The following BICDL1 variants were observed in gnomAD, a reference collection of about 807,000 sequenced individuals.
BICDL1 encodes BICD family like cargo adaptor 1.
Under a neutral mutation model 76.8 loss-of-function variants are expected in BICDL1, and 20 were observed. That is an observed-to-expected ratio of 0.26 (90% confidence interval 0.18 to 0.38). BICDL1 has a LOEUF of 0.38. Ranked by LOEUF, BICDL1 falls within the 10% of genes least tolerant of loss-of-function variation. BICDL1 has a pLI of 1.00. For synonymous variants in BICDL1, 383 were observed against 337.1 expected, an observed-to-expected ratio of 1.14 and a Z score of -1.49; for missense variants, 700 against 798.6, an observed-to-expected ratio of 0.88 and a Z score of 1.49.
rs1875160037 is a variant in BICDL1 at position 120,093,455 on chromosome 12, T to G, written c.*294T>G. On this transcript the variant is annotated 3_prime_UTR_variant, in exon 10 of 10. Coordinates refer to ENST00000548673, the MANE Select transcript of BICDL1 (RefSeq NM_001367886.1). ...TTAGGCCACCTCCCAGAGGGGCCCC[T>G]TGGTGTTGGGCTTTGCAGCTCACAC... The G allele has an allele frequency of 2.5e-6, 1 of 407,768 alleles. No individual in the cohort carries two copies. The highest frequency in any genetic ancestry group is 2.1e-5 in the African/African-American group (1 of 48,072). The allele number at this position is 407,768 out of a possible 1,614,324, so 25.3% of individuals were successfully genotyped here. A position where few individuals can be genotyped will look rare whatever the true frequency, so the allele number is the denominator to read the frequency against.
intron 4 of BICDL1, among the ~76,000 whole-genome samples, chr12:120,070,982 G>A (rs1317569362): frequency 6.6e-6 from 1 of 151,902 alleles, no homozygotes; most frequent in Non-Finnish European, 1.5e-5. Flanking sequence ...TGCCCCCTTT[G>A]GCCTTCCAAA....
At chr12:120,084,158 A>G (rs1255995958) in intron 8 of BICDL1, among the ~76,000 whole-genome samples, 2 of 152,096 alleles carry the variant, frequency 1.3e-5, no homozygotes, top group Non-Finnish European at 2.9e-5. Context: ...ATGTGCCACC[A>G]TGCCCTGCTA....
intron 2 of BICDL1, among the ~76,000 whole-genome samples, chr12:120,038,159 A>G (rs1043647686): frequency 3.3e-5 from 5 of 152,160 alleles, no homozygotes; most frequent in African/African-American, 1.2e-4. Context: ...CTGTCCCAAT[A>G]CTTATTCCTA....
chr12:120,065,674 A>C (rs1953205074), intron 4 of BICDL1, among the ~76,000 whole-genome samples: 1 of 152,208 alleles, frequency 6.6e-6, no homozygotes, highest in Non-Finnish European at 1.5e-5. Flanking sequence ...CAGGGAGTGC[A>C]CTGGATTGCA....
intron 8 of BICDL1, 103 bp from the exon 9 acceptor site, chr12:120,089,848 T>A (rs1249746133): frequency 4.3e-6 from 6 of 1,403,894 alleles, no homozygotes; most frequent in Non-Finnish European, 5.9e-6. Flanking sequence ...GAGTTCAGGG[T>A]CAGAGCCTGT....
At chr12:120,070,700 T>C (rs115241250) in intron 4 of BICDL1, among the ~76,000 whole-genome samples, 3,180 of 152,194 alleles carry the variant, frequency 0.021, 122 homozygotes, top group African/African-American at 0.073. Context: ...CAGATTAAAA[T>C]GGGCCTACAT....
intron 9 of BICDL1, chr12:120,091,546 C>A: frequency 1.0e-6 from 1 of 985,648 alleles, no homozygotes; most frequent in East Asian, 1.1e-4. Context: ...ATACCTGGCA[C>A]AGTGCCAGCT....
At chr12:120,033,074 T>C (rs753455080) in intron 2 of BICDL1, among the ~76,000 whole-genome samples, 67 of 152,016 alleles carry the variant, frequency 4.4e-4, no homozygotes, top group Non-Finnish European at 7.5e-4. Flanking sequence ...AATCATATAA[T>C]ATGCTGCATG....
At chr12:120,059,985 T>A (rs944534002) in intron 2 of BICDL1, among the ~76,000 whole-genome samples, 1 of 152,190 alleles carries the variant, frequency 6.6e-6, no homozygotes, top group African/African-American at 2.4e-5. Flanking sequence ...AGTGCTGGGA[T>A]TACAGGCATG....
Position 120,091,582 on chromosome 12 carries a change from G to A in BICDL1, c.1705-1418G>A, listed in dbSNP as rs908679630. ...CTGAGGGGCAAGTGGAAAAGGGGAT[G>A]GAAGAGAAGGGAAGAAGACAAGGGC... On this transcript the variant is annotated intron_variant, in intron 9 of 9. Transcript: ENST00000548673. 16 of 984,770 alleles carry A rather than the reference G, an allele frequency of 1.6e-5. No homozygotes were observed. The Admixed American group carries it at 1.9e-4, about 11-fold the overall frequency. 61.0% of individuals were successfully genotyped at this position (984,770 alleles called of 1,614,324 possible). A position where few individuals can be genotyped will look rare whatever the true frequency, so the allele number is the denominator to read the frequency against.
At chr12:120,092,470 C>T in intron 9 of BICDL1, 1 of 985,486 alleles carries the variant, frequency 1.0e-6, no homozygotes, top group Non-Finnish European at 1.2e-6. Context: ...CCACGTGAGG[C>T]TGCCGTTGGT....
At chr12:119,998,963 G>T (rs895240360) in intron 2 of BICDL1, among the ~76,000 whole-genome samples, 5 of 151,532 alleles carry the variant, frequency 3.3e-5, no homozygotes, top group African/African-American at 7.3e-5. Context: ...AGGCTGAGGT[G>T]GGGGGATCGC....
intron 8 of BICDL1, among the ~76,000 whole-genome samples, chr12:120,083,510 A>G (rs892661769): frequency 3.9e-5 from 6 of 152,100 alleles, no homozygotes; most frequent in Non-Finnish European, 8.8e-5. Flanking sequence ...GGATCTGCCC[A>G]AAGTGCTGAG....
chr12:120,059,235 T>C (rs142762531), intron 2 of BICDL1, among the ~76,000 whole-genome samples: 1 of 152,180 alleles, frequency 6.6e-6, no homozygotes, highest in Non-Finnish European at 1.5e-5. Context: ...GCTGGTACTA[T>C]AGGCACGCAC....
intron 2 of BICDL1, among the ~76,000 whole-genome samples, chr12:120,014,927 A>G (rs1952029981): frequency 6.6e-6 from 1 of 152,226 alleles, no homozygotes; most frequent in Non-Finnish European, 1.5e-5. Context: ...TTGTTTGAAA[A>G]AAAAATGAGT....
chr12:120,046,064 TGG>T, intron 2 of BICDL1, among the ~76,000 whole-genome samples: 1 of 152,300 alleles, frequency 6.6e-6, no homozygotes, highest in African/African-American at 2.4e-5. Context: ...TCAGTTTAGC[TGG>T]GTGGTAATTA....
chr12:120,057,253 G>A (rs547010800), intron 2 of BICDL1: 9 of 385,490 alleles, frequency 2.3e-5, no homozygotes, highest in South Asian at 1.2e-4. Flanking sequence ...GAGCTCAAGC[G>A]ATCCTTCCAC....
chr12:120,010,181 A>G (rs1402205284), intron 2 of BICDL1, among the ~76,000 whole-genome samples: 1 of 152,228 alleles, frequency 6.6e-6, no homozygotes, highest in Non-Finnish European at 1.5e-5. Flanking sequence ...TATTAACTAA[A>G]GAGTATTATG....
At chr12:119,996,145 T>C (rs1951640968) in intron 1 of BICDL1, among the ~76,000 whole-genome samples, 1 of 152,204 alleles carries the variant, frequency 6.6e-6, no homozygotes, top group Admixed American at 6.5e-5. Context: ...TTTCAACAGA[T>C]ACACTCGAGT....
Sources: gnomAD v4.1 joint callset for allele counts (sites outside exome capture counted in the v4.1 genomes callset) on GRCh38, gnomAD v4.1.1 for gene constraint, MANE v1.5 for transcripts, NCBI Gene and HGNC (gene_info 2026-07-23, HGNC 2026-07-21) for gene names.